Variants in KANSL1L observed in about 807,000 individuals in gnomAD.
The protein encoded by KANSL1L is KAT8 regulatory NSL complex subunit 1 like.
Under a neutral mutation model 108.6 loss-of-function variants are expected in KANSL1L, and 25 were observed. The observed-to-expected ratio is 0.23, with a 90% confidence interval of 0.17 to 0.32. KANSL1L has a LOEUF of 0.32. Among genes scored for constraint, KANSL1L ranks in the 10% least tolerant of loss-of-function variants. The pLI is 1.00. For synonymous variants in KANSL1L, 405 were observed against 395.1 expected (o/e 1.03, Z -0.30); for missense variants, 1,137 against 1,125.7 (o/e 1.01, Z -0.14).
intron 12 of KANSL1L, 35 bp from the exon 13 acceptor site, chr2:210,025,251 G>A: frequency 7.9e-7 from 1 of 1,260,408 alleles, no homozygotes; most frequent in Non-Finnish European, 1.2e-6. Flanking sequence ...GTTTTAATCA[G>A]AAACATTTTG....
At chr2:210,114,461 TAAAG>T (rs986643058) in intron 3 of KANSL1L, among the ~76,000 whole-genome samples, 1 of 152,110 alleles carries the variant, frequency 6.6e-6, no homozygotes, top group Non-Finnish European at 1.5e-5. Flanking sequence ...AGAAAATACT[TAAAG>T]AAGTCATGCA....
chr2:210,118,340 T>C (rs2094977209), intron 3 of KANSL1L, among the ~76,000 whole-genome samples: 1 of 151,200 alleles, frequency 6.6e-6, no homozygotes, highest in Non-Finnish European at 1.5e-5. Context: ...TGGTGGTACA[T>C]GCCAGTAATC....
chr2:210,028,877 C>A lies in KANSL1L; in HGVS notation c.2364G>T (p.Glu788Asp). Residue 788 changes from glutamate to aspartate, a missense_variant, in exon 11 of 15, where the codon GAG becomes GAT. Coordinates refer to ENST00000281772, the MANE Select transcript of KANSL1L (RefSeq NM_152519.4). ...TAAGTATTTCCTTATATTGGAGTTT[C>A]TCTAATTTAGCTGGGGCTACTAATG... ...PMSLVAPAKL[E>D]KLQYKEILTP... is the part of the protein sequence containing the mutation. 2 of 1,598,782 alleles carry A rather than the reference C, an allele frequency of 1.3e-6. No individual in the cohort carries two copies. The highest frequency in any genetic ancestry group is 4.5e-5 in the East Asian group (2 of 44,612).
At chr2:210,056,600 C>T (rs376185468) in intron 6 of KANSL1L, among the ~76,000 whole-genome samples, 178 of 152,198 alleles carry the variant, frequency 1.2e-3, no homozygotes, top group African/African-American at 3.9e-3. Context: ...TGTGCCTCAG[C>T]CTCCCAAGTA....
intron 10 of KANSL1L, 122 bp from the exon 11 acceptor site, chr2:210,029,091 T>C (rs1040807690): frequency 6.0e-6 from 5 of 828,086 alleles, no homozygotes; most frequent in Admixed American, 3.2e-5. Context: ...TACATTGTTA[T>C]AAAGTCTGAC....
intron 8 of KANSL1L, among the ~76,000 whole-genome samples, chr2:210,033,365 G>A (rs566208570): frequency 2.0e-5 from 3 of 152,152 alleles, no homozygotes; most frequent in Non-Finnish European, 4.4e-5. Context: ...TAAAATGTAT[G>A]TGTGTGTTAA....
intron 4 of KANSL1L, among the ~76,000 whole-genome samples, chr2:210,098,721 G>A (rs1239455905): frequency 1.3e-5 from 2 of 151,932 alleles, no homozygotes; most frequent in Admixed American, 1.3e-4. Context: ...TTGATCAAGG[G>A]CTATAAAGCT....
chr2:210,116,313 G>A (rs1395345651), intron 3 of KANSL1L, among the ~76,000 whole-genome samples: 1 of 152,166 alleles, frequency 6.6e-6, no homozygotes, highest in Non-Finnish European at 1.5e-5. Context: ...GACCCACCCG[G>A]GGCTGGGGAG....
chr2:210,072,787 G>A (rs2094516768), intron 6 of KANSL1L, among the ~76,000 whole-genome samples: 1 of 152,036 alleles, frequency 6.6e-6, no homozygotes, highest in African/African-American at 2.4e-5. Flanking sequence ...GTGACCAGGG[G>A]ACTGGGGACC....
chr2:210,073,926 G>A (rs895334602), intron 6 of KANSL1L, among the ~76,000 whole-genome samples: 42 of 152,090 alleles, frequency 2.8e-4, no homozygotes, highest in African/African-American at 8.0e-4. Context: ...TCAAGGCCCT[G>A]CAGATCTGGA....
chr2:210,166,122 C>G (rs1687943528), intron 1 of KANSL1L, among the ~76,000 whole-genome samples: 2 of 152,244 alleles, frequency 1.3e-5, no homozygotes, highest in Admixed American at 1.3e-4. Context: ...TACTGTACTA[C>G]AAATAAAAGG....
In KANSL1L at chr2:210,154,139, A is replaced by C; in HGVS notation, c.444T>G (p.Asp148Glu). 1 of 1,614,134 alleles carries C rather than the reference A, an allele frequency of 6.2e-7. No homozygotes were observed. The highest frequency in any genetic ancestry group is 1.3e-5 in the African/African-American group (1 of 75,062). Residue 148 changes from aspartate to glutamate, a missense_variant, in exon 2 of 15, where the codon GAT becomes GAG. Coordinates refer to ENST00000281772, the MANE Select transcript of KANSL1L (RefSeq NM_152519.4). ...LSDTTSQCMKDVQIILDSNIT... is the reference protein window; with the variant it reads ...LSDTTSQCMKEVQIILDSNIT... ...TATTTGAATCCAGAATAATTTGTACATCTTTCATGCACTGGCTCGTGGTAT... is the reference window on the plus strand; with the variant it reads ...TATTTGAATCCAGAATAATTTGTACCTCTTTCATGCACTGGCTCGTGGTAT...
chr2:210,046,029 G>T (rs984919699), intron 6 of KANSL1L, among the ~76,000 whole-genome samples: 7 of 152,150 alleles, frequency 4.6e-5, no homozygotes, highest in Non-Finnish European at 1.0e-4. Flanking sequence ...GGCAGATTTA[G>T]TGTCTGACAA....
chr2:210,023,173 A>G lies in KANSL1L; in HGVS notation c.2740T>C (p.Trp914Arg). 6.2e-7 allele frequency: 1 copy of G among 1,613,538 alleles called. No homozygotes were observed. Among genetic ancestry groups the G allele is most frequent in the Non-Finnish European group, 8.5e-7 (1 of 1,179,630 alleles). The change falls in exon 15 of 15, where the codon TGG (tryptophan) becomes CGG (arginine). Residue 914 changes from tryptophan (W) to arginine (R), a missense_variant. Physicochemically the swap from Trp to Arg is moderately radical, Grantham distance 101 (BLOSUM62 -3). Around this residue, in one of 3 missense-constraint regions of KANSL1L, gnomAD observed 575 missense variants for 567.1 expected, o/e 1.01. Transcript: ENST00000281772. ...LNQSQETKSLWWERRAFPLKG... is the reference protein window; with the variant it reads ...LNQSQETKSLRWERRAFPLKG... The stretch of plus-strand genomic sequence containing the variant: ...AGTGGAAAAGCCCGTCGTTCCCACC[A>G]CAAAGACTGAAAGGGGAAAAATTTT...
At chr2:210,150,323 G>A (rs1054547558) in intron 2 of KANSL1L, among the ~76,000 whole-genome samples, 4 of 151,940 alleles carry the variant, frequency 2.6e-5, no homozygotes, top group South Asian at 2.1e-4. Context: ...TAGGAGGTAC[G>A]TTATTTAGTA....
chr2:210,070,081 A>G (rs1188069654), intron 6 of KANSL1L, among the ~76,000 whole-genome samples: 5 of 151,152 alleles, frequency 3.3e-5, no homozygotes, highest in African/African-American at 9.7e-5. Context: ...CGCCTTCCTC[A>G]GCCTCCCAAA....
intron 2 of KANSL1L, among the ~76,000 whole-genome samples, chr2:210,137,874 CAG>C (rs2095189013): frequency 6.6e-6 from 1 of 151,930 alleles, no homozygotes; most frequent in African/African-American, 2.4e-5. Flanking sequence ...CTACAAAAAA[CAG>C]AAAAATTAGC....
chr2:210,078,943 T>C (rs1017143094), intron 5 of KANSL1L, among the ~76,000 whole-genome samples: 11 of 152,160 alleles, frequency 7.2e-5, no homozygotes, highest in African/African-American at 2.7e-4. Flanking sequence ...GTTTATCTCT[T>C]TTTAAAAATC....
intron 6 of KANSL1L, among the ~76,000 whole-genome samples, chr2:210,056,437 TCAA>T (rs1325954942): frequency 6.6e-6 from 1 of 152,214 alleles, no homozygotes; most frequent in Non-Finnish European, 1.5e-5. Flanking sequence ...ATTATCATCA[TCAA>T]CGTCATTCAC....
Sources: allele counts gnomAD v4.1 joint callset (sites outside exome capture counted in the v4.1 genomes callset), GRCh38; gene constraint gnomAD v4.1.1; regional missense constraint gnomAD v4.1.1; transcripts MANE v1.5; gene names NCBI Gene and HGNC (gene_info 2026-07-23, HGNC 2026-07-21).